MYO1E: variants seen among roughly 807,000 people sequenced by gnomAD.
The protein encoded by MYO1E is unconventional myosin-Ie.
Under a neutral mutation model 151.1 loss-of-function variants are expected in MYO1E, and 68 were observed. The observed-to-expected ratio is 0.45, with a 90% CI of 0.37 to 0.55. The LOEUF is 0.55. Ranked by LOEUF, MYO1E falls within the 20% of genes least tolerant of loss-of-function variation. The pLI is 0.00. For missense variants in MYO1E, 1,363 were observed against 1,389.3 expected, an observed-to-expected ratio of 0.98 and a Z score of 0.30; for synonymous variants, 601 against 501.7, an observed-to-expected ratio of 1.20 and a Z score of -2.64.
intron 1 of MYO1E, among the ~76,000 whole-genome samples, chr15:59,327,386 C>G (rs564468881): frequency 1.8e-4 from 28 of 151,848 alleles, no homozygotes; most frequent in African/African-American, 6.8e-4. Flanking sequence ...GAGTGCAGTG[C>G]CAGCCTCGAC....
At chr15:59,260,123 A>G (rs1214015994) in intron 3 of MYO1E, among the ~76,000 whole-genome samples, 1 of 152,218 alleles carries the variant, frequency 6.6e-6, no homozygotes, top group Admixed American at 6.5e-5. Flanking sequence ...CAAAAGATAA[A>G]TGGTCTAAAA....
chr15:59,176,589 G>A (rs972393499), intron 19 of MYO1E, among the ~76,000 whole-genome samples: 75 of 151,886 alleles, frequency 4.9e-4, no homozygotes, highest in Non-Finnish European at 6.3e-4. Context: ...AGCCTCCTGA[G>A]TAGCTAGGAC....
intron 9 of MYO1E, among the ~76,000 whole-genome samples, chr15:59,220,760 A>G (rs2079949595): frequency 6.6e-6 from 1 of 151,690 alleles, no homozygotes; most frequent in Non-Finnish European, 1.5e-5. Flanking sequence ...ACAACAGATA[A>G]ATAAAGTGTA....
intron 2 of MYO1E, among the ~76,000 whole-genome samples, chr15:59,270,694 A>T (rs2080284362): frequency 6.6e-6 from 1 of 151,572 alleles, no homozygotes. Flanking sequence ...GCTGAAGTGC[A>T]GTGGTGCGAT....
At chr15:59,259,153 C>T (rs1161539789) in intron 3 of MYO1E, among the ~76,000 whole-genome samples, 1 of 152,174 alleles carries the variant, frequency 6.6e-6, no homozygotes, top group Non-Finnish European at 1.5e-5. Flanking sequence ...AAACTTTAGG[C>T]ACTGATGTCA....
At chr15:59,213,509 A>T (rs2079893936) in intron 12 of MYO1E, among the ~76,000 whole-genome samples, 1 of 151,992 alleles carries the variant, frequency 6.6e-6, no homozygotes, top group Non-Finnish European at 1.5e-5. Flanking sequence ...TCTGTTGCCT[A>T]GGATGGAGTG....
intron 1 of MYO1E, among the ~76,000 whole-genome samples, chr15:59,367,937 T>C (rs746442231): frequency 1.3e-4 from 19 of 151,970 alleles, no homozygotes; most frequent in Admixed American, 4.6e-4. Flanking sequence ...CTGGCCAACA[T>C]GGTAAAACCC....
At chr15:59,171,800 G>C in intron 22 of MYO1E, 97 bp downstream of exon 22, 1 of 1,500,636 alleles carries the variant, frequency 6.7e-7, no homozygotes, top group Admixed American at 1.7e-5. Context: ...TGACAGCTGG[G>C]AAGCCCAGCC....
Position 59,231,692 on chromosome 15 carries a change from AG to A in MYO1E, c.510+9del. ...CAAGCGACACTCTCTGAAACAGGGAAGGGACTTACAAATCGGCTGGAGTTGT... is the reference window on the plus strand; with the variant it reads ...CAAGCGACACTCTCTGAAACAGGGAAGGACTTACAAATCGGCTGGAGTTGT... On this transcript the variant is annotated intron_variant, in intron 6 of 27. Coordinates refer to ENST00000288235, the MANE Select transcript of MYO1E (RefSeq NM_004998.4). The A allele has an allele frequency of 6.2e-7, 1 of 1,613,106 alleles. No individual in the cohort carries two copies. Among genetic ancestry groups the A allele is most frequent in the Non-Finnish European group, 8.5e-7 (1 of 1,179,074 alleles).
At chr15:59,243,099 C>CTTTT (rs3985715) in intron 4 of MYO1E, among the ~76,000 whole-genome samples, 51,811 of 133,100 alleles carry the variant, frequency 0.39, 11,082 homozygotes, top group East Asian at 0.69. Flanking sequence ...TTAGACCCTG[C>CTTTT]TTTTTTTTTT....
intron 19 of MYO1E, among the ~76,000 whole-genome samples, chr15:59,175,968 C>T (rs1045230665): frequency 3.3e-5 from 5 of 152,192 alleles, no homozygotes; most frequent in African/African-American, 7.2e-5. Flanking sequence ...GGAAAACACA[C>T]AAAACAACCT....
chr15:59,372,613 C>T lies in MYO1E; in HGVS notation c.-113G>A, dbSNP rs2080954781. The stretch of plus-strand genomic sequence containing the variant: ...GTTGGTTCCCCTCGCCAAAAACAGG[C>T]TCCCGACACCCAAGCACTCACAGGA... On this transcript the variant is annotated 5_prime_UTR_variant, in exon 1 of 28. Coordinates refer to ENST00000288235, the MANE Select transcript of MYO1E (RefSeq NM_004998.4). 1 of 1,357,958 alleles carries T rather than the reference C, an allele frequency of 7.4e-7. No homozygotes were observed. The highest frequency in any genetic ancestry group is 1.0e-6 in the Non-Finnish European group (1 of 998,200). 84.1% of individuals were successfully genotyped at this position (1,357,958 alleles called of 1,614,324 possible).
At chr15:59,141,799 A>G (rs1374074299) in intron 26 of MYO1E, among the ~76,000 whole-genome samples, 1 of 141,630 alleles carries the variant, frequency 7.1e-6, no homozygotes, top group African/African-American at 2.7e-5. Context: ...CTTTGTCTCA[A>G]AAAAAAAAAA....
At chr15:59,342,041 T>G (rs543420555) in intron 1 of MYO1E, among the ~76,000 whole-genome samples, 1 of 152,340 alleles carries the variant, frequency 6.6e-6, no homozygotes, top group South Asian at 2.1e-4. Flanking sequence ...CAGCATTCAT[T>G]ATTGCCCGTC....
At chr15:59,343,127 A>G (rs1254018298) in intron 1 of MYO1E, among the ~76,000 whole-genome samples, 1 of 152,050 alleles carries the variant, frequency 6.6e-6, no homozygotes, top group African/African-American at 2.4e-5. Context: ...ATGATTTCTC[A>G]TTGCTTGTTA....
rs1446721495 is a variant in MYO1E, at chr15:59,137,106, A to C, written c.*274T>G. On this transcript the variant is annotated 3_prime_UTR_variant, in exon 28 of 28. Coordinates refer to ENST00000288235, the MANE Select transcript of MYO1E (RefSeq NM_004998.4). ...CTGAGCAGACCTCACTTGTCCTCTC[A>C]CCAGGTTTAAATACAATAAATAAAT... 2.1e-6 allele frequency: 1 copy of C among 481,990 alleles called. No homozygotes were observed. The highest frequency in any genetic ancestry group is 3.8e-6 in the Non-Finnish European group (1 of 261,658). 29.9% of individuals were successfully genotyped at this position (481,990 alleles called of 1,614,324 possible).
At chr15:59,299,442 C>T (rs192686033) in intron 1 of MYO1E, among the ~76,000 whole-genome samples, 3 of 152,236 alleles carry the variant, frequency 2.0e-5, no homozygotes, top group African/African-American at 7.2e-5. Context: ...CAATCATTCA[C>T]TGATTCAATC....
At chr15:59,319,550 C>CTTTTTTTTTTTTTTTTT (rs59491381) in intron 1 of MYO1E, among the ~76,000 whole-genome samples, 20 of 63,718 alleles carry the variant, frequency 3.1e-4, no homozygotes, top group East Asian at 9.9e-4. Context: ...GTCAAACTAC[C>CTTTTTTTTTTTTTTTTT]TTTTTTTTTT....
chr15:59,221,151 G>C (rs1198825553), intron 9 of MYO1E, among the ~76,000 whole-genome samples: 1 of 151,120 alleles, frequency 6.6e-6, no homozygotes, highest in East Asian at 1.9e-4. Flanking sequence ...GGAATTACAG[G>C]TGCGCACCAC....
Sources: allele counts gnomAD v4.1 joint callset (sites outside exome capture counted in the v4.1 genomes callset), GRCh38; gene constraint gnomAD v4.1.1; transcripts MANE v1.5; gene names NCBI Gene and HGNC (gene_info 2026-07-23, HGNC 2026-07-21).